Variants in SPATA13 observed in about 807,000 individuals in gnomAD.
The protein encoded by SPATA13 is spermatogenesis-associated protein 13.
In SPATA13, 50 loss-of-function variants were observed where a neutral mutation model predicts 104.0. The ratio of observed to expected loss-of-function variants is 0.48; its 90% CI spans 0.38 to 0.61. The LOEUF (loss-of-function observed/expected upper bound fraction) is 0.61. Ranked by LOEUF, SPATA13 falls within the 20% of genes least tolerant of loss-of-function variation. The probability of loss-of-function intolerance (pLI) is 0.00; values close to 1 mark genes in which losing one functional copy is unlikely to be tolerated. For synonymous variants in SPATA13, 606 were observed against 667.5 expected (o/e 0.91, Z 1.42); for missense variants, 1,524 against 1,690.6 (o/e 0.90, Z 1.73).
chr13:24,062,559 G>A (rs1878807821), intron 3 of SPATA13, among the ~76,000 whole-genome samples: 1 of 152,094 alleles, frequency 6.6e-6, no homozygotes, highest in Non-Finnish European at 1.5e-5. Flanking sequence ...CAAAACAGAG[G>A]GTGGGGATCC....
At chr13:24,103,119 G>A (rs544948243) in intron 3 of SPATA13, among the ~76,000 whole-genome samples, 3 of 152,176 alleles carry the variant, frequency 2.0e-5, no homozygotes, top group Non-Finnish European at 4.4e-5. Flanking sequence ...CAGGCATAAT[G>A]AGGGCAGAAG....
intron 1 of SPATA13, among the ~76,000 whole-genome samples, chr13:24,210,605 G>A (rs1275126649): frequency 6.6e-6 from 1 of 151,824 alleles, no homozygotes; most frequent in African/African-American, 2.4e-5. Flanking sequence ...CTATTCTGTT[G>A]GTCTATGTGT....
intron 2 of SPATA13, among the ~76,000 whole-genome samples, chr13:23,998,994 C>A (rs1433426999): frequency 6.7e-6 from 1 of 149,406 alleles, no homozygotes; most frequent in Non-Finnish European, 1.5e-5. Context: ...GGCACAGTCT[C>A]TGTTTACTGC....
chr13:24,229,197 C>G (rs1872120648), intron 2 of SPATA13, among the ~76,000 whole-genome samples: 1 of 152,332 alleles, frequency 6.6e-6, no homozygotes, highest in Admixed American at 6.5e-5. Flanking sequence ...GAGAAACCCC[C>G]TCTTTAGTGA....
intron 1 of SPATA13, among the ~76,000 whole-genome samples, chr13:24,165,124 T>A (rs1218426061): frequency 6.6e-6 from 1 of 152,192 alleles, no homozygotes; most frequent in Non-Finnish European, 1.5e-5. Flanking sequence ...AATGGGGCTG[T>A]TGCTTCAGTG....
intron 2 of SPATA13, 199 bp downstream of exon 2, chr13:24,224,781 A>T (rs1871837041): frequency 1.5e-6 from 1 of 668,546 alleles, no homozygotes; most frequent in African/African-American, 1.8e-5. Flanking sequence ...CCTTTGAAAT[A>T]AATTGACAAT....
At chr13:24,256,809 T>C (rs1473677480) in intron 4 of SPATA13, among the ~76,000 whole-genome samples, 4 of 152,226 alleles carry the variant, frequency 2.6e-5, no homozygotes, top group African/African-American at 7.2e-5. Flanking sequence ...GTTGGGATAA[T>C]GAATTTCAGT....
At chr13:24,150,056 G>T (rs188267566) in intron 3 of SPATA13, among the ~76,000 whole-genome samples, 17 of 152,222 alleles carry the variant, frequency 1.1e-4, no homozygotes, top group Non-Finnish European at 2.2e-4. Flanking sequence ...CTGCCTGACT[G>T]GTGGCCAGGT....
chr13:24,173,146 T>C (rs1431321626), intron 1 of SPATA13, among the ~76,000 whole-genome samples: 3 of 152,108 alleles, frequency 2.0e-5, no homozygotes, highest in East Asian at 3.9e-4. Flanking sequence ...GGTGCGATCT[T>C]GGCTCACTGC....
Position 24,223,993 on chromosome 13 carries a change from G to A in SPATA13, c.1064G>A (p.Ser355Asn). 6.5e-7 allele frequency: 1 copy of A among 1,548,782 alleles called. No homozygotes were observed. The highest frequency in any genetic ancestry group is 8.7e-7 in the Non-Finnish European group (1 of 1,145,324). ...GCCAGCCTGAGACTTCAGGCACACAGCCGGCTGCATGACGACTACTCCCGC... is the reference window on the plus strand; with the variant it reads ...GCCAGCCTGAGACTTCAGGCACACAACCGGCTGCATGACGACTACTCCCGC... The part of the protein sequence containing the change: ...GEASLRLQAH[S>N]RLHDDYSRRV... The change falls in exon 2 of 13, where the codon AGC becomes AAC. Residue 355 changes from serine to asparagine, a missense_variant. This residue lies in a region of SPATA13 where 1,089 missense variants were observed against 1,135.9 expected (regional missense o/e 0.96). Transcript: ENST00000382108.
chr13:24,059,565 A>T (rs569393086), intron 3 of SPATA13, among the ~76,000 whole-genome samples: 4 of 152,342 alleles, frequency 2.6e-5, no homozygotes, highest in Non-Finnish European at 5.9e-5. Context: ...AACATTTTGG[A>T]GAGGCTATTA....
intron 4 of SPATA13, among the ~76,000 whole-genome samples, chr13:24,279,958 A>G (rs916901120): frequency 1.3e-5 from 2 of 152,178 alleles, no homozygotes; most frequent in African/African-American, 4.8e-5. Context: ...TGATGTTGAA[A>G]CAGTTGCTGT....
intron 3 of SPATA13, among the ~76,000 whole-genome samples, chr13:24,141,871 G>A (rs1264534789): frequency 1.3e-5 from 2 of 152,154 alleles, no homozygotes; most frequent in Non-Finnish European, 2.9e-5. Context: ...ATTACTTTAG[G>A]CCAGTCTGGT....
chr13:24,046,392 C>G (rs1476715223), intron 3 of SPATA13, among the ~76,000 whole-genome samples: 1 of 150,756 alleles, frequency 6.6e-6, no homozygotes, highest in African/African-American at 2.5e-5. Context: ...TCCTGGGGTT[C>G]AAATGATCCT....
At chr13:24,149,610 T>C (rs1255799092) in intron 3 of SPATA13, among the ~76,000 whole-genome samples, 1 of 152,214 alleles carries the variant, frequency 6.6e-6, no homozygotes, top group East Asian at 1.9e-4. Flanking sequence ...CTAGATCTTC[T>C]GTCACTGTGG....
chr13:24,150,698 G>T (rs933686793), intron 3 of SPATA13, among the ~76,000 whole-genome samples: 2 of 152,146 alleles, frequency 1.3e-5, no homozygotes, highest in Non-Finnish European at 2.9e-5. Flanking sequence ...ACAGCAGGCT[G>T]GGGATTCAGG....
intron 4 of SPATA13, among the ~76,000 whole-genome samples, chr13:24,275,555 T>C (rs1192230834): frequency 6.6e-6 from 1 of 152,226 alleles, no homozygotes; most frequent in Admixed American, 6.5e-5. Flanking sequence ...TGCTCTCATA[T>C]TGATTGTATG....
intron 1 of SPATA13, among the ~76,000 whole-genome samples, chr13:24,178,400 T>C (rs1868571514): frequency 6.6e-6 from 1 of 152,240 alleles, no homozygotes. Context: ...CATGCATTTT[T>C]TTTTAACTGT....
At chr13:24,048,255 C>T (rs1878217256) in intron 3 of SPATA13, among the ~76,000 whole-genome samples, 1 of 152,174 alleles carries the variant, frequency 6.6e-6, no homozygotes, top group South Asian at 2.1e-4. Context: ...TCTCACTATG[C>T]TTTTAATTTG....
Sources: gnomAD v4.1 joint callset for allele counts (sites outside exome capture counted in the v4.1 genomes callset) on GRCh38, gnomAD v4.1.1 for gene constraint, gnomAD v4.1.1 regional missense constraint, MANE v1.5 for transcripts, NCBI Gene and HGNC (gene_info 2026-07-23, HGNC 2026-07-21) for gene names.